The following CAB39L variants were observed in gnomAD, a reference collection of about 807,000 sequenced individuals.
CAB39L encodes the protein calcium binding protein 39 like, also known as calcium-binding protein 39-like.
A neutral mutation model predicts 39.1 loss-of-function variants in CAB39L; 23 were observed. The observed-to-expected ratio is 0.59, with a 90% CI of 0.42 to 0.83. The LOEUF (loss-of-function observed/expected upper bound fraction) is 0.83. CAB39L is among the 40% of genes least tolerant of loss of function. The pLI is 0.00. For synonymous variants in CAB39L, 126 were observed against 137.2 expected, an observed-to-expected ratio of 0.92 and a Z score of 0.57; for missense variants, 366 against 391.9, an observed-to-expected ratio of 0.93 and a Z score of 0.56.
At chr13:49,428,471 C>A (rs1264343127) in intron 3 of CAB39L, among the ~76,000 whole-genome samples, 1 of 152,174 alleles carries the variant, frequency 6.6e-6, no homozygotes, top group Admixed American at 6.5e-5. Flanking sequence ...ACAGACCAGT[C>A]TTGGCACAGT....
rs1316860833 is a variant in CAB39L, at chr13:49,397,028, C to T, written c.-31-14087G>A. Among the ~76,000 whole-genome samples, 4 of 152,124 alleles carry T rather than the reference C, an allele frequency of 2.6e-5. No homozygotes were observed. The East Asian group carries it at 7.7e-4, about 29-fold the overall frequency. On this transcript the variant is annotated intron_variant, in intron 3 of 10. Transcript: ENST00000409308. ...CCCAAAAAACATAATTTAGAATTGCCTTCACAGAGATGGTTAAGTTACAAA... is the reference window on the plus strand; with the variant it reads ...CCCAAAAAACATAATTTAGAATTGCTTTCACAGAGATGGTTAAGTTACAAA...
intron 5 of CAB39L, among the ~76,000 whole-genome samples, chr13:49,372,138 T>G (rs1411666312): frequency 1.3e-5 from 2 of 152,180 alleles, no homozygotes; most frequent in African/African-American, 4.8e-5. Context: ...AAGCTGTGTC[T>G]TGAATAGTAG....
At chr13:49,319,397 C>T (rs1261968692) in intron 10 of CAB39L, among the ~76,000 whole-genome samples, 1 of 152,010 alleles carries the variant, frequency 6.6e-6, no homozygotes, top group Admixed American at 6.6e-5. Flanking sequence ...TAGGCAGATC[C>T]ATGGAGCCAG....
chr13:49,344,089 T>C, intron 8 of CAB39L, 90 bp downstream of exon 8: 2 of 791,776 alleles, frequency 2.5e-6, no homozygotes, highest in East Asian at 2.5e-5. Flanking sequence ...CTGATTTCTC[T>C]TGTGGATAAT....
rs528582683 is a variant in CAB39L, at chr13:49,439,873, G to A, written c.-246+4113C>T. Among the ~76,000 whole-genome samples the A allele has an allele frequency of 2.7e-4, 32 of 118,266 alleles. 1 individual carries two copies. Among genetic ancestry groups the A allele is most frequent in the African/African-American group, 9.2e-4 (28 of 30,428 alleles). 77.6% of individuals were successfully genotyped at this position (118,266 alleles called of 152,430 possible). ...TTTTTCATCTGTTTATTGGCCACTT[G>A]TTCTTTTGAGAAGTGTCTGTTGATG... On this transcript the variant is annotated intron_variant, in intron 1 of 10. Coordinates refer to ENST00000409308, the MANE Select transcript of CAB39L (RefSeq NM_001079670.3).
At chr13:49,383,466 A>G (rs1422903092) in intron 3 of CAB39L, among the ~76,000 whole-genome samples, 1 of 152,202 alleles carries the variant, frequency 6.6e-6, no homozygotes, top group Non-Finnish European at 1.5e-5. Flanking sequence ...ATTTTAAAAA[A>G]CATAAACTTA....
chr13:49,311,147 A>G (rs1285855773), intron 10 of CAB39L, among the ~76,000 whole-genome samples, 154 bp from the exon 11 acceptor site: 2 of 152,238 alleles, frequency 1.3e-5, no homozygotes, highest in African/African-American at 4.8e-5. Flanking sequence ...ATTCTCAGTG[A>G]GGGTGATCAA....
At chr13:49,414,829 A>G (rs1337204145) in intron 3 of CAB39L, among the ~76,000 whole-genome samples, 1 of 152,144 alleles carries the variant, frequency 6.6e-6, no homozygotes, top group African/African-American at 2.4e-5. Flanking sequence ...TTTCTACAAT[A>G]GCATTTATAA....
intron 10 of CAB39L, among the ~76,000 whole-genome samples, chr13:49,316,023 G>A (rs1392957936): frequency 6.6e-6 from 1 of 151,898 alleles, no homozygotes. Flanking sequence ...TTAGAGCAGA[G>A]ATAAACAAAA....
chr13:49,374,150 A>G (rs1955994887), intron 5 of CAB39L, among the ~76,000 whole-genome samples: 2 of 152,204 alleles, frequency 1.3e-5, no homozygotes, highest in African/African-American at 4.8e-5. Context: ...GCATCTATGG[A>G]GTATCACATT....
chr13:49,391,085 C>T (rs188773353), intron 3 of CAB39L, among the ~76,000 whole-genome samples: 8 of 152,236 alleles, frequency 5.3e-5, no homozygotes, highest in African/African-American at 1.4e-4. Flanking sequence ...AACTCTAAAG[C>T]GAAATCCCAC....
In CAB39L at chr13:49,339,701, A is replaced by G. The variant is rs144901077; in HGVS notation, c.666T>C (p.Tyr222=). The G allele has an allele frequency of 5.7e-6, 9 of 1,580,372 alleles. No individual in the cohort carries two copies. The African/African-American group carries it at 1.2e-4, about 21-fold the overall frequency. ...DYEKLLQSEN[Y]VTKRQSLKLL... is the part of the protein sequence containing the mutation. Reference sequence around the variant, plus strand: ...CCTTTAAAGACTGTCTCTTAGTAACATAATTCTCAGACTGAAGCAATTTCT... The same window carrying G: ...CCTTTAAAGACTGTCTCTTAGTAACGTAATTCTCAGACTGAAGCAATTTCT... The change falls in exon 9 of 11, where the codon TAT becomes TAC. Residue 222 remains tyrosine (Y), a synonymous_variant. Transcript: ENST00000409308.
intron 6 of CAB39L, among the ~76,000 whole-genome samples, chr13:49,357,991 G>A (rs1955531570): frequency 6.6e-6 from 1 of 152,170 alleles, no homozygotes; most frequent in African/African-American, 2.4e-5. Context: ...CTTTCTGTGG[G>A]CCGAAATGGC....
intron 3 of CAB39L, among the ~76,000 whole-genome samples, chr13:49,425,032 A>C (rs896107546): frequency 6.6e-6 from 1 of 152,196 alleles, no homozygotes; most frequent in Non-Finnish European, 1.5e-5. Context: ...CAGTAGTAAA[A>C]CTAATTTAAA....
At chr13:49,317,254 G>A (rs1261656909) in intron 10 of CAB39L, among the ~76,000 whole-genome samples, 2 of 152,196 alleles carry the variant, frequency 1.3e-5, no homozygotes, top group Admixed American at 6.5e-5. Flanking sequence ...CGGAGGCTGG[G>A]TGCAGTGGCT....
At chr13:49,437,312 G>A (rs1957433683) in intron 1 of CAB39L, among the ~76,000 whole-genome samples, 1 of 152,062 alleles carries the variant, frequency 6.6e-6, no homozygotes, top group Non-Finnish European at 1.5e-5. Context: ...GGAGAAATGA[G>A]TATCTATTTT....
At chr13:49,416,238 G>A (rs76106881) in intron 3 of CAB39L, among the ~76,000 whole-genome samples, 461 of 152,300 alleles carry the variant, frequency 3.0e-3, no homozygotes, top group Non-Finnish European at 5.0e-3. Flanking sequence ...AAAAAGTAGA[G>A]CCAGTGGCCT....
chr13:49,402,689 C>T (rs9526554), intron 3 of CAB39L, among the ~76,000 whole-genome samples: 44,949 of 151,954 alleles, frequency 0.3, 6,700 homozygotes, highest in African/African-American at 0.34. Flanking sequence ...GTTTATATCC[C>T]TTAAGAAAAA....
chr13:49,434,442 C>G (rs1957376519), intron 1 of CAB39L, among the ~76,000 whole-genome samples: 1 of 152,170 alleles, frequency 6.6e-6, no homozygotes, highest in Non-Finnish European at 1.5e-5. Flanking sequence ...AACACAAACT[C>G]TATTATGTTA....
Sources: allele counts gnomAD v4.1 joint callset (sites outside exome capture counted in the v4.1 genomes callset), GRCh38; gene constraint gnomAD v4.1.1; transcripts MANE v1.5; gene names NCBI Gene and HGNC (gene_info 2026-07-23, HGNC 2026-07-21).